The following RAPGEF5 variants were observed in gnomAD, a reference collection of about 807,000 sequenced individuals.
RAPGEF5 encodes Rap guanine nucleotide exchange factor 5.
In RAPGEF5, 65 loss-of-function variants were observed where a neutral mutation model predicts 125.2. The ratio of observed to expected loss-of-function variants is 0.52; its 90% confidence interval spans 0.43 to 0.64. The LOEUF is 0.64. Among genes scored for constraint, RAPGEF5 ranks in the 30% least tolerant of loss-of-function variants. The probability of loss-of-function intolerance (pLI) is 0.00; values close to 1 mark genes in which losing one functional copy is unlikely to be tolerated. For missense variants in RAPGEF5, 958 were observed against 1,048.1 expected (o/e 0.91, Z 1.19); for synonymous variants, 391 against 385.9 (o/e 1.01, Z -0.16).
At chr7:22,339,316 C>T (rs1396714792) in intron 1 of RAPGEF5, among the ~76,000 whole-genome samples, 2 of 152,212 alleles carry the variant, frequency 1.3e-5, no homozygotes, top group African/African-American at 4.8e-5. Flanking sequence ...CAGTTGAATT[C>T]TTTCTTCTGA....
At chr7:22,181,135 T>C (rs1168957123) in intron 11 of RAPGEF5, among the ~76,000 whole-genome samples, 1 of 152,142 alleles carries the variant, frequency 6.6e-6, no homozygotes, top group Non-Finnish European at 1.5e-5. Flanking sequence ...CACTCTGCTC[T>C]CTCTTTTTTT....
At position 22,230,891 on chromosome 7, in the gene RAPGEF5, G is replaced by T; in HGVS notation, c.825C>A (p.Asp275Glu). The stretch of plus-strand genomic sequence containing the variant: ...CGGCTTCTGTTACAGCTACATGTTT[G>T]TCGTTGTTTTCTTCATCTTGTTCAA... ...SAIEQDEENN[D>E]KHVAVTEAES... Residue 275 changes from aspartate to glutamate, a missense_variant, in exon 8 of 26, where the codon GAC becomes GAA. By Grantham distance (45) the Asp-to-Glu change is conservative. Transcript: ENST00000665637. 1 of 1,564,684 alleles carries T rather than the reference G, an allele frequency of 6.4e-7. No individual in the cohort carries two copies. The highest frequency in any genetic ancestry group is 8.7e-7 in the Non-Finnish European group (1 of 1,152,650).
chr7:22,217,981 T>A (rs1785681746), intron 9 of RAPGEF5, among the ~76,000 whole-genome samples: 1 of 152,134 alleles, frequency 6.6e-6, no homozygotes, highest in African/African-American at 2.4e-5. Context: ...TTTTTTTAAT[T>A]ATACTTTAAG....
At position 22,310,079 on chromosome 7, in the gene RAPGEF5, A is replaced by G. The variant is rs1783433342; in HGVS notation, c.401T>C (p.Val134Ala). 6.3e-6 allele frequency: 10 copies of G among 1,575,874 alleles called. No individual in the cohort carries two copies. Among genetic ancestry groups the G allele is most frequent in the Non-Finnish European group, 8.6e-6 (10 of 1,165,428 alleles). ...AAGCCAGTCTACCAGCTCTGACCCA[A>G]CGCAGCTCCTCCTGAACAAAAGCAA... ...NLKGFYRRSC[V>A]GSELVDWLLE... The change falls in exon 4 of 26, where the codon GTT becomes GCT. Residue 134 changes from valine to alanine, a missense_variant. Val to Ala is a moderately conservative substitution (Grantham distance 64). Transcript: ENST00000665637.
chr7:22,309,248 C>T (rs1472097471), intron 4 of RAPGEF5, among the ~76,000 whole-genome samples: 8 of 152,162 alleles, frequency 5.3e-5, no homozygotes, highest in Non-Finnish European at 7.4e-5. Flanking sequence ...TAAGAGTATT[C>T]GGTGCTAGGT....
chr7:22,268,557 A>G (rs1249327036), intron 6 of RAPGEF5, among the ~76,000 whole-genome samples: 5 of 152,182 alleles, frequency 3.3e-5, no homozygotes, highest in Non-Finnish European at 5.9e-5. Context: ...CAGTGTCACA[A>G]ATATTTGGAG....
intron 7 of RAPGEF5, among the ~76,000 whole-genome samples, chr7:22,245,083 A>ACTT (rs1205928888): frequency 9.8e-5 from 15 of 152,340 alleles, no homozygotes; most frequent in Non-Finnish European, 1.9e-4. Context: ...AATATTGACC[A>ACTT]CTTTTTGCAG....
At chr7:22,345,962 T>C (rs1784216819) in intron 1 of RAPGEF5, among the ~76,000 whole-genome samples, 1 of 152,194 alleles carries the variant, frequency 6.6e-6, no homozygotes, top group Non-Finnish European at 1.5e-5. Flanking sequence ...ATTAGATCCC[T>C]TTCCCATTTT....
intron 11 of RAPGEF5, among the ~76,000 whole-genome samples, chr7:22,177,147 G>A (rs1784534245): frequency 6.6e-6 from 1 of 152,170 alleles, no homozygotes; most frequent in Non-Finnish European, 1.5e-5. Context: ...TGTGCCCTCT[G>A]CCATGGAGAA....
intron 11 of RAPGEF5, among the ~76,000 whole-genome samples, chr7:22,181,738 A>T (rs903383399): frequency 1.3e-5 from 2 of 152,200 alleles, no homozygotes; most frequent in African/African-American, 4.8e-5. Context: ...AGCAGCCTTA[A>T]GTACAAGGCA....
intron 15 of RAPGEF5, 45 bp from the exon 16 acceptor site, chr7:22,156,933 C>T (rs370926836): frequency 2.5e-6 from 4 of 1,610,414 alleles, no homozygotes; most frequent in Non-Finnish European, 3.4e-6. Context: ...ACATTCCTGC[C>T]CTTTGGAAAA....
intron 3 of RAPGEF5, among the ~76,000 whole-genome samples, chr7:22,312,783 A>G (rs188794174): frequency 5.1e-4 from 77 of 152,308 alleles, no homozygotes; most frequent in African/African-American, 1.7e-3. Flanking sequence ...GGATCCACCT[A>G]CCCCAGGGCA....
chr7:22,350,486 A>G (rs1041756948), intron 1 of RAPGEF5, among the ~76,000 whole-genome samples: 7 of 152,350 alleles, frequency 4.6e-5, no homozygotes, highest in South Asian at 2.1e-4. Flanking sequence ...TTAAGTTCCA[A>G]TGTACCCAAC....
intron 7 of RAPGEF5, among the ~76,000 whole-genome samples, chr7:22,265,499 T>G (rs1256301048): frequency 2.0e-5 from 3 of 152,208 alleles, no homozygotes; most frequent in African/African-American, 4.8e-5. Flanking sequence ...CTTTATCCAT[T>G]TATCTATTGA....
rs1782520656 is a variant in RAPGEF5, at chr7:22,119,575, A to G, written c.*2831T>C. 6.6e-6 allele frequency: 1 copy of G among 152,178 alleles called. No individual in the cohort carries two copies. Among genetic ancestry groups the G allele is most frequent in the Non-Finnish European group, 1.5e-5 (1 of 68,024 alleles). 9.4% of individuals were successfully genotyped at this position (152,178 alleles called of 1,614,324 possible). On this transcript the variant is annotated 3_prime_UTR_variant, in exon 26 of 26. Transcript: ENST00000665637. This position sits in a 1 kb window ranked among gnomAD's most constrained non-coding sequence, Gnocchi z 4.1. ...GTCCTGCATTCTGCTGTCTTGTGCT[A>G]ACTTCTAAGCAGGGCTAGTTTGCTG...
chr7:22,183,197 AG>A (rs1784725111), intron 11 of RAPGEF5, among the ~76,000 whole-genome samples: 1 of 122,414 alleles, frequency 8.2e-6, no homozygotes, highest in Non-Finnish European at 1.6e-5. Flanking sequence ...TGAACCCAGG[AG>A]GGGGAGGTTG....
intron 11 of RAPGEF5, 90 bp from the exon 12 acceptor site, chr7:22,167,238 G>T: frequency 1.1e-6 from 1 of 894,886 alleles, no homozygotes; most frequent in Non-Finnish European, 1.8e-6. Context: ...CATGTGCATG[G>T]CAGAAATATG....
intron 7 of RAPGEF5, among the ~76,000 whole-genome samples, chr7:22,260,105 T>A (rs1275393789): frequency 6.6e-6 from 1 of 151,782 alleles, no homozygotes; most frequent in Non-Finnish European, 1.5e-5. Flanking sequence ...AAAAAAAAAT[T>A]AATGGTTGTA....
rs556926339 is a variant in RAPGEF5, at chr7:22,126,685, C to T, written c.2482-1027G>A. ...CTGGAGTGCAGTGGTGTGATCTTGG[C>T]TCACTGCAACCTCTGCCTCACCAGT... is the stretch of plus-strand genomic sequence containing the variant. On this transcript the variant is annotated intron_variant, in intron 24 of 25. Coordinates refer to ENST00000665637, the MANE Select transcript of RAPGEF5 (RefSeq NM_012294.5). 4.6e-5 allele frequency among the ~76,000 whole-genome samples: 7 copies of T among 152,232 alleles called. No individual in the cohort carries two copies. In the South Asian group the frequency reaches 8.3e-4, roughly 18 times the overall value.
Sources: gnomAD v4.1 joint callset for allele counts (sites outside exome capture counted in the v4.1 genomes callset) on GRCh38, gnomAD v4.1.1 for gene constraint, Gnocchi (gnomAD v3.1) non-coding constraint, MANE v1.5 for transcripts, NCBI Gene and HGNC (gene_info 2026-07-23, HGNC 2026-07-21) for gene names.